Variants in CACNA1C observed in about 807,000 individuals in gnomAD.
CACNA1C encodes calcium voltage-gated channel subunit alpha1 C, also known as voltage-dependent L-type calcium channel subunit alpha-1C.
In CACNA1C, 30 loss-of-function variants were observed where a neutral mutation model predicts 229.0. The observed-to-expected ratio is 0.13, with a 90% CI of 0.10 to 0.18. The LOEUF (loss-of-function observed/expected upper bound fraction) is 0.18. CACNA1C is among the 10% of genes least tolerant of loss of function. The pLI is 1.00. For missense variants in CACNA1C, 1,658 were observed against 2,845.0 expected (o/e 0.58, Z 9.49); for synonymous variants, 1,114 against 1,132.5 (o/e 0.98, Z 0.33).
At chr12:2,392,793 T>C (rs2098508139) in intron 3 of CACNA1C, among the ~76,000 whole-genome samples, 2 of 152,060 alleles carry the variant, frequency 1.3e-5, no homozygotes, top group South Asian at 4.1e-4. Flanking sequence ...GAGGAGAGCA[T>C]GTTGGCAGAA....
At chr12:2,036,765 C>G (rs945244187) in intron 1 of CACNA1C, among the ~76,000 whole-genome samples, 5 of 152,148 alleles carry the variant, frequency 3.3e-5, no homozygotes, top group Non-Finnish European at 7.4e-5. Flanking sequence ...CGCCCAGCCT[C>G]CCCTTTCCTA....
At chr12:2,254,111 A>T (rs2076540917) in intron 3 of CACNA1C, among the ~76,000 whole-genome samples, 1 of 152,078 alleles carries the variant, frequency 6.6e-6, no homozygotes, top group Non-Finnish European at 1.5e-5. Context: ...TTAAAGTAAA[A>T]CTTGACACAG....
chr12:2,623,096 C>A (rs920769705), intron 29 of CACNA1C, among the ~76,000 whole-genome samples: 1 of 152,190 alleles, frequency 6.6e-6, no homozygotes, highest in African/African-American at 2.4e-5. Flanking sequence ...TTCAGCCCTG[C>A]TCTTTGGGAA....
At position 2,649,334 on chromosome 12, in the gene CACNA1C, A is replaced by G. The variant is rs903380587; in HGVS notation, c.3945+827A>G. 2.0e-5 allele frequency among the ~76,000 whole-genome samples: 3 copies of G among 152,202 alleles called. No homozygotes were observed. The highest frequency in any genetic ancestry group is 4.8e-5 in the African/African-American group (2 of 41,460). ...CCAAGTATGAGTTTTTAGAAGGACC[A>G]GTGGGGTTGATTGACCAAGCCACCA... is the stretch of plus-strand genomic sequence containing the variant. On this transcript the variant is annotated intron_variant, in intron 31 of 46. Transcript: ENST00000399655. This position sits in a 1 kb window ranked among gnomAD's most constrained non-coding sequence, Gnocchi z 4.4.
At chr12:2,110,996 G>A (rs879284937) in intron 1 of CACNA1C, among the ~76,000 whole-genome samples, 7 of 151,652 alleles carry the variant, frequency 4.6e-5, no homozygotes, top group Non-Finnish European at 7.4e-5. Context: ...TGTCTCACCC[G>A]AGAGGCCATA....
Position 2,067,733 on chromosome 12 carries a change from T to C in CACNA1C, c.49+14122T>C, listed in dbSNP as rs2059917440. 6.6e-6 allele frequency among the ~76,000 whole-genome samples: 1 copy of C among 152,052 alleles called. No homozygotes were observed. Among genetic ancestry groups the C allele is most frequent in the African/African-American group, 2.4e-5 (1 of 41,372 alleles). ...CATCAAGGACAAGGAACCTGCACTG[T>C]TAACCTCAGTCAGGGCGCAACGGTA... is the stretch of plus-strand genomic sequence containing the variant. On this transcript the variant is annotated intron_variant, in intron 1 of 46. Transcript: ENST00000399655. This position sits in a 1 kb window ranked among gnomAD's most constrained non-coding sequence, Gnocchi z 5.3.
intron 1 of CACNA1C, among the ~76,000 whole-genome samples, chr12:2,057,639 A>G (rs1376520636): frequency 6.6e-6 from 1 of 151,546 alleles, no homozygotes; most frequent in Non-Finnish European, 1.5e-5. Context: ...TGTAATGAGA[A>G]CTCCTTTGGA....
chr12:2,308,053 C>T (rs563089057), intron 3 of CACNA1C, among the ~76,000 whole-genome samples: 1 of 152,318 alleles, frequency 6.6e-6, no homozygotes, highest in South Asian at 2.1e-4. Context: ...CCTTGGACTA[C>T]ACTTGGAGAA....
At chr12:2,257,341 G>A (rs1159965204) in intron 3 of CACNA1C, among the ~76,000 whole-genome samples, 2 of 152,194 alleles carry the variant, frequency 1.3e-5, no homozygotes, top group South Asian at 4.1e-4. Flanking sequence ...TAGCACAGCG[G>A]TCTCCAACCT....
At chr12:2,147,292 T>C (rs1416910636) in intron 3 of CACNA1C, among the ~76,000 whole-genome samples, 1 of 151,374 alleles carries the variant, frequency 6.6e-6, no homozygotes. Flanking sequence ...AGAAACAGCG[T>C]GCTATAGAGG....
chr12:2,156,701 G>T (rs1206675279), intron 3 of CACNA1C, among the ~76,000 whole-genome samples: 1 of 152,186 alleles, frequency 6.6e-6, no homozygotes, highest in Non-Finnish European at 1.5e-5. Flanking sequence ...TTTCTACATA[G>T]ACTCATGAGG....
At chr12:2,344,245 T>C (rs1453947674) in intron 3 of CACNA1C, among the ~76,000 whole-genome samples, 1 of 152,158 alleles carries the variant, frequency 6.6e-6, no homozygotes, top group Non-Finnish European at 1.5e-5. Flanking sequence ...TCTCAGGTAA[T>C]AGAAGTTGTG....
At chr12:2,379,125 T>C (rs1360060210) in intron 3 of CACNA1C, among the ~76,000 whole-genome samples, 1 of 152,214 alleles carries the variant, frequency 6.6e-6, no homozygotes, top group African/African-American at 2.4e-5. Context: ...ATCAAGGGCC[T>C]CTCTTGGCAA....
At chr12:2,482,853 C>CCCCT (rs1299070456) in intron 5 of CACNA1C, among the ~76,000 whole-genome samples, 19 of 152,234 alleles carry the variant, frequency 1.2e-4, no homozygotes, top group Non-Finnish European at 2.2e-4. Context: ...ACTCATCTAA[C>CCCCT]CCCTCTTCCT....
intron 3 of CACNA1C, among the ~76,000 whole-genome samples, chr12:2,393,104 A>G (rs889398035): frequency 2.0e-5 from 3 of 152,168 alleles, no homozygotes; most frequent in African/African-American, 7.2e-5. Context: ...AGCCCTTGAA[A>G]GTGCACTGTC....
At position 2,275,339 on chromosome 12, in the gene CACNA1C, G is replaced by A. The variant is rs886479343; in HGVS notation, c.477+154909G>A. 1.3e-5 allele frequency among the ~76,000 whole-genome samples: 2 copies of A among 152,090 alleles called. No homozygotes were observed. The highest frequency in any genetic ancestry group is 1.9e-4 in the East Asian group (1 of 5,176). On this transcript the variant is annotated intron_variant, in intron 3 of 46. Coordinates refer to ENST00000399655, the MANE Select transcript of CACNA1C (RefSeq NM_000719.7). The surrounding 1 kb of genome is among the most constrained non-coding windows in gnomAD (Gnocchi z 4.1). The stretch of plus-strand genomic sequence containing the variant: ...GTGTCTCTGCCTGTCTGTGGACCCC[G>A]ACTCCTCACCATCACCCAACAGGGG...
chr12:2,518,333 G>A (rs1053218345), intron 9 of CACNA1C, among the ~76,000 whole-genome samples: 1 of 152,200 alleles, frequency 6.6e-6, no homozygotes, highest in African/African-American at 2.4e-5. Flanking sequence ...TCAGGGCCGG[G>A]CGTGGTGGCT....
chr12:2,573,005 TCTC>T (rs879365901), intron 13 of CACNA1C, among the ~76,000 whole-genome samples: 27 of 141,838 alleles, frequency 1.9e-4, no homozygotes, highest in East Asian at 4.6e-4. Flanking sequence ...TCCTCCTTCT[TCTC>T]CTCCTCCTCC....
At chr12:2,282,292 C>T (rs144776925) in intron 3 of CACNA1C, among the ~76,000 whole-genome samples, 2 of 152,280 alleles carry the variant, frequency 1.3e-5, no homozygotes, top group East Asian at 3.9e-4. Flanking sequence ...ATTTCTCCTG[C>T]TTCCTCCCTC....
Sources: allele counts gnomAD v4.1 joint callset (sites outside exome capture counted in the v4.1 genomes callset), GRCh38; gene constraint gnomAD v4.1.1; non-coding constraint Gnocchi (gnomAD v3.1); transcripts MANE v1.5; gene names NCBI Gene and HGNC (gene_info 2026-07-23, HGNC 2026-07-21).